The following ADAM21 variants were observed in gnomAD, a reference collection of about 807,000 sequenced individuals.
ADAM21 encodes the protein ADAM metallopeptidase domain 21, also known as disintegrin and metalloproteinase domain-containing protein 21.
For missense variants in ADAM21, 678 were observed against 874.4 expected (o/e 0.78, Z 2.83); for synonymous variants, 262 against 306.0 (o/e 0.86, Z 1.50).
chr14:70,453,346 T>C (rs1236469539), intron 1 of ADAM21: 1 of 152,168 alleles, frequency 6.6e-6, no homozygotes, highest in Non-Finnish European at 1.5e-5. Flanking sequence ...TTGATGAATT[T>C]GAAATAGCTG....
At chr14:70,456,252 G>T (rs1320467307) in intron 1 of ADAM21, among the ~76,000 whole-genome samples, 2 of 152,106 alleles carry the variant, frequency 1.3e-5, no homozygotes, top group Admixed American at 6.5e-5. Flanking sequence ...TTTATTTAAT[G>T]CTCTGTATTT....
chr14:70,459,508 G>A lies in ADAM21; in HGVS notation c.2009G>A (p.Ser670Asn). The change falls in exon 2 of 2, where the codon AGT becomes AAT. Residue 670 changes from serine to asparagine, a missense_variant. Ser to Asn is a conservative substitution (Grantham distance 46). Transcript: ENST00000603540. ...TGCCAGCACAGAGGCTATGGGGGCA[G>A]TATTGACAGTGGCCCAGCATCTGCA... The part of the protein sequence containing the change: ...PYCQHRGYGG[S>N]IDSGPASAKR... The A allele has an allele frequency of 1.2e-6, 2 of 1,614,226 alleles. No individual in the cohort carries two copies. Among genetic ancestry groups the A allele is most frequent in the East Asian group, 4.5e-5 (2 of 44,890 alleles).
chr14:70,453,861 T>C (rs1889071758), intron 1 of ADAM21, among the ~76,000 whole-genome samples: 1 of 152,256 alleles, frequency 6.6e-6, no homozygotes, highest in South Asian at 2.1e-4. Flanking sequence ...ATAAGGTGCC[T>C]AACTTGCAGC....
At position 70,459,715 on chromosome 14, in the gene ADAM21, T is replaced by A. The variant is rs529847610; in HGVS notation, c.*47T>A. On this transcript the variant is annotated 3_prime_UTR_variant, in exon 2 of 2. Transcript: ENST00000603540. ...TTCCATGCATTAGTACACTTTAGTC[T>A]CTTGGCAGTAGAAACATTAGTACAT... The A allele has an allele frequency of 6.3e-7, 1 of 1,586,220 alleles. No individual in the cohort carries two copies. Among genetic ancestry groups the A allele is most frequent in the Admixed American group, 1.7e-5 (1 of 57,994 alleles).
Position 70,457,344 on chromosome 14 carries a change from T to G in ADAM21, c.-151-5T>G. The G allele has an allele frequency of 9.1e-7, 1 of 1,093,294 alleles. No individual in the cohort carries two copies. Among genetic ancestry groups the G allele is most frequent in the Non-Finnish European group, 1.3e-6 (1 of 762,308 alleles). The allele number at this position is 1,093,294 out of a possible 1,614,324, so 67.7% of individuals were successfully genotyped here. A position where few individuals can be genotyped will look rare whatever the true frequency, so the allele number is the denominator to read the frequency against. ...TCCAACCCATCTTTTTATTTTTACTTCCAGCACTGCAGTTCTGATCTAACT... is the reference window on the plus strand; with the variant it reads ...TCCAACCCATCTTTTTATTTTTACTGCCAGCACTGCAGTTCTGATCTAACT... On this transcript the variant is annotated splice_polypyrimidine_tract_variant and splice_region_variant and intron_variant, in intron 1 of 1. Transcript: ENST00000603540.
intron 1 of ADAM21, among the ~76,000 whole-genome samples, chr14:70,453,938 G>A (rs548050864): frequency 6.6e-6 from 1 of 152,312 alleles, no homozygotes; most frequent in African/African-American, 2.4e-5. Context: ...TGTTCAGCTT[G>A]AAACAAGTTT....
intron 1 of ADAM21, among the ~76,000 whole-genome samples, chr14:70,454,621 T>C (rs1325837376): frequency 6.6e-6 from 1 of 152,154 alleles, no homozygotes; most frequent in Non-Finnish European, 1.5e-5. Flanking sequence ...TGTTGGTAAA[T>C]TGATTAGGAT....
Position 70,459,392 on chromosome 14 carries a change from A to C in ADAM21, c.1893A>C (p.Ser631=), listed in dbSNP as rs1348527225. The change falls in exon 2 of 2, where the codon TCA becomes TCC. Residue 631 remains serine, a synonymous_variant. Transcript: ENST00000603540. ...AGTGTGTCAGTCTGTCTGTCTTGTC[A>C]CATGTCTGCCTTCCTGAGACCTGCA... ...HKKCVSLSVL[S]HVCLPETCNM... 11 of 1,614,200 alleles carry C rather than the reference A, an allele frequency of 6.8e-6. No individual in the cohort carries two copies. The highest frequency in any genetic ancestry group is 9.3e-6 in the Non-Finnish European group (11 of 1,180,042).
chr14:70,459,543 G>T lies in ADAM21; in HGVS notation c.2044G>T (p.Val682Phe), dbSNP rs201066601. ...DSGPASAKRGVFLPLIVIPSL... is the reference protein window; with the variant it reads ...DSGPASAKRGFFLPLIVIPSL... ...TGGCCCAGCATCTGCAAAGAGAGGA[G>T]TTTTTTTGCCGCTGATTGTGATTCC... The change falls in exon 2 of 2, where the codon GTT (valine) becomes TTT (phenylalanine). Residue 682 changes from valine to phenylalanine, a missense_variant. Physicochemically the swap from Val to Phe is conservative, Grantham distance 50. Coordinates refer to ENST00000603540, the MANE Select transcript of ADAM21 (RefSeq NM_003813.4). 1 of 1,614,154 alleles carries T rather than the reference G, an allele frequency of 6.2e-7. No homozygotes were observed. The highest frequency in any genetic ancestry group is 1.3e-5 in the African/African-American group (1 of 75,054).
chr14:70,454,718 T>TA (rs762721034), intron 1 of ADAM21, among the ~76,000 whole-genome samples: 1 of 151,972 alleles, frequency 6.6e-6, no homozygotes. Context: ...TTGAAGAGGT[T>TA]AAAAAAAACT....
chr14:70,455,714 C>T (rs1200583939), intron 1 of ADAM21, among the ~76,000 whole-genome samples: 1 of 151,720 alleles, frequency 6.6e-6, no homozygotes, highest in Non-Finnish European at 1.5e-5. Context: ...TTGCCTTTCC[C>T]TAGTATGTTT....
chr14:70,456,871 G>A (rs1239939226), intron 1 of ADAM21, among the ~76,000 whole-genome samples: 2 of 152,176 alleles, frequency 1.3e-5, no homozygotes, highest in Non-Finnish European at 2.9e-5. Context: ...TGAATACAAT[G>A]AGGAATAGTA....
intron 1 of ADAM21, among the ~76,000 whole-genome samples, chr14:70,454,665 A>C (rs78093131): frequency 0.14 from 21,030 of 152,196 alleles, 1,993 homozygotes; most frequent in East Asian, 0.53. Context: ...CAAGGTATAC[A>C]TTATGACTAT....
rs769600234 is a variant in ADAM21, at chr14:70,459,553, C to T, written c.2054C>T (p.Pro685Leu). 14 of 1,614,092 alleles carry T rather than the reference C, an allele frequency of 8.7e-6. No homozygotes were observed. The highest frequency in any genetic ancestry group is 1.7e-4 in the Middle Eastern group (1 of 6,060). ...PASAKRGVFLPLIVIPSLSVL... is the reference protein window; with the variant it reads ...PASAKRGVFLLLIVIPSLSVL... ...TCTGCAAAGAGAGGAGTTTTTTTGC[C>T]GCTGATTGTGATTCCTTCTTTGTCT... Residue 685 changes from proline to leucine, a missense_variant, in exon 2 of 2, where the codon CCG becomes CTG. Physicochemically the swap from Pro to Leu is moderately conservative, Grantham distance 98. Coordinates refer to ENST00000603540, the MANE Select transcript of ADAM21 (RefSeq NM_003813.4).
At chr14:70,454,131 G>A (rs1889074691) in intron 1 of ADAM21, among the ~76,000 whole-genome samples, 1 of 152,186 alleles carries the variant, frequency 6.6e-6, no homozygotes, top group Non-Finnish European at 1.5e-5. Flanking sequence ...AGATTGAGGA[G>A]GTGCAAATGC....
chr14:70,458,319 C>G lies in ADAM21; in HGVS notation c.820C>G (p.Gln274Glu). 1 of 1,614,130 alleles carries G rather than the reference C, an allele frequency of 6.2e-7. No homozygotes were observed. The highest frequency in any genetic ancestry group is 8.5e-7 in the Non-Finnish European group (1 of 1,180,034). The change falls in exon 2 of 2, where the codon CAG (glutamine) becomes GAG (glutamate). Residue 274 changes from glutamine (Q) to glutamate (E), a missense_variant. Physicochemically the swap from Gln to Glu is conservative, Grantham distance 29 (BLOSUM62 2). Transcript: ENST00000603540. ...TGTTTTCCCAATGACAAGCATAGAA[C>G]AGGTCCTGAACGATTTCTCTCAATG... The part of the protein sequence containing the change: ...GNVFPMTSIE[Q>E]VLNDFSQWKQ...
Position 70,459,819 on chromosome 14 carries a change from C to A in ADAM21, c.*151C>A. The A allele has an allele frequency of 2.2e-6, 2 of 897,282 alleles. No homozygotes were observed. The highest frequency in any genetic ancestry group is 2.6e-5 in the Admixed American group (1 of 38,962). The allele number at this position is 897,282 out of a possible 1,614,324, so 55.6% of individuals were successfully genotyped here. ...CTTACATTAGTACCACAAACATTGT[C>A]ATTAAGTTCAAGTTATTCTTAACAT... On this transcript the variant is annotated 3_prime_UTR_variant, in exon 2 of 2. Coordinates refer to ENST00000603540, the MANE Select transcript of ADAM21 (RefSeq NM_003813.4).
intron 1 of ADAM21, among the ~76,000 whole-genome samples, chr14:70,455,089 G>A (rs1021738257): frequency 1.3e-5 from 2 of 152,130 alleles, no homozygotes; most frequent in African/African-American, 4.8e-5. Flanking sequence ...TCTGTGAAGA[G>A]GTACAGGATG....
chr14:70,458,221 T>C lies in ADAM21; in HGVS notation c.722T>C (p.Ile241Thr), dbSNP rs780983066. ...VQEDVFLVVN[I>T]VDSMYKQLGT... Reference sequence around the variant, plus strand: ...GAGGATGTATTTCTTGTTGTCAACATAGTGGATTCCATGTATAAGCAGTTA... The same window carrying C: ...GAGGATGTATTTCTTGTTGTCAACACAGTGGATTCCATGTATAAGCAGTTA... Residue 241 changes from isoleucine to threonine, a missense_variant, in exon 2 of 2, where the codon ATA becomes ACA. By Grantham distance (89) the Ile-to-Thr change is moderately conservative. Coordinates refer to ENST00000603540, the MANE Select transcript of ADAM21 (RefSeq NM_003813.4). 3 of 1,613,938 alleles carry C rather than the reference T, an allele frequency of 1.9e-6. No homozygotes were observed. The highest frequency in any genetic ancestry group is 1.6e-4 in the Middle Eastern group (1 of 6,062).
Sources: gnomAD v4.1 joint callset for allele counts (sites outside exome capture counted in the v4.1 genomes callset) on GRCh38, gnomAD v4.1.1 for gene constraint, MANE v1.5 for transcripts, NCBI Gene and HGNC (gene_info 2026-07-23, HGNC 2026-07-21) for gene names.